Variants in TSNARE1 observed in about 807,000 individuals in gnomAD.
The protein encoded by TSNARE1 is t-SNARE domain containing 1.
TSNARE1 carries 49 observed loss-of-function variants against 62.0 expected under a neutral mutation model. The observed-to-expected ratio is 0.79, with a 90% CI of 0.63 to 1.00. The LOEUF is 1.00. TSNARE1 is among the 50% of genes least tolerant of loss of function. The pLI is 0.00. For missense variants in TSNARE1, 755 were observed against 700.1 expected (o/e 1.08, Z -0.88); for synonymous variants, 328 against 294.4 (o/e 1.11, Z -1.17).
At chr8:142,226,617 G>A (rs987818974) in intron 13 of TSNARE1, among the ~76,000 whole-genome samples, 2 of 152,172 alleles carry the variant, frequency 1.3e-5, no homozygotes, top group Non-Finnish European at 1.5e-5. Flanking sequence ...CCACTCCTCT[G>A]GCTAAAGAGC....
chr8:142,246,736 C>A (rs117208156), intron 12 of TSNARE1, among the ~76,000 whole-genome samples: 2,336 of 152,322 alleles, frequency 0.015, 33 homozygotes, highest in Non-Finnish European at 0.026. Flanking sequence ...CACGGGAGAA[C>A]CGTTCAAGGC....
chr8:142,240,467 G>A (rs1490007475), intron 12 of TSNARE1, among the ~76,000 whole-genome samples: 1 of 152,090 alleles, frequency 6.6e-6, no homozygotes, highest in Non-Finnish European at 1.5e-5. Context: ...TAAAAATACC[G>A]AGATCTGAAC....
upstream of TSNARE1, chr8:142,403,338 G>C (rs1325051860): frequency 3.3e-5 from 5 of 151,998 alleles, no homozygotes; most frequent in African/African-American, 1.2e-4. Context: ...GCCTCTGCGG[G>C]TGCGCGCGCG....
intron 11 of TSNARE1, chr8:142,276,196 G>A: frequency 1.0e-6 from 1 of 985,472 alleles, no homozygotes; most frequent in Non-Finnish European, 1.2e-6. Flanking sequence ...AAAGCCCAGA[G>A]AGCGGGTATG....
intron 12 of TSNARE1, among the ~76,000 whole-genome samples, chr8:142,241,245 A>G (rs1299425456): frequency 6.6e-6 from 1 of 152,234 alleles, no homozygotes; most frequent in Non-Finnish European, 1.5e-5. Context: ...CCACAAAAGA[A>G]GTCAAGAAAA....
At chr8:142,282,805 G>A in intron 11 of TSNARE1, among the ~76,000 whole-genome samples, 1 of 143,490 alleles carries the variant, frequency 7.0e-6, no homozygotes, top group South Asian at 2.4e-4. Flanking sequence ...CTGCCAATGA[G>A]CAGAGGCGGG....
At chr8:142,391,690 A>G (rs949530067) in intron 1 of TSNARE1, among the ~76,000 whole-genome samples, 1 of 152,224 alleles carries the variant, frequency 6.6e-6, no homozygotes, top group Non-Finnish European at 1.5e-5. Context: ...GCAGCCTTGC[A>G]TGGAGCCAGC....
chr8:142,338,991 C>A (rs1257459384), intron 4 of TSNARE1, among the ~76,000 whole-genome samples: 1 of 152,182 alleles, frequency 6.6e-6, no homozygotes, highest in Non-Finnish European at 1.5e-5. Flanking sequence ...CTACCGTGAC[C>A]TGGGCAGGGC....
At chr8:142,256,267 A>C (rs1172778295) in intron 12 of TSNARE1, among the ~76,000 whole-genome samples, 1 of 130,904 alleles carries the variant, frequency 7.6e-6, no homozygotes, top group Non-Finnish European at 1.6e-5. Flanking sequence ...CACCATCACC[A>C]TCACCACCAC....
chr8:142,270,481 CATAT>C (rs67801065), intron 12 of TSNARE1: 18,531 of 771,834 alleles, frequency 0.024, 17 homozygotes, highest in South Asian at 0.031. Flanking sequence ...AATATATAGG[CATAT>C]ATATATATAT....
intron 12 of TSNARE1, among the ~76,000 whole-genome samples, chr8:142,251,703 C>T (rs1174783774): frequency 1.3e-5 from 2 of 151,772 alleles, no homozygotes; most frequent in African/African-American, 2.4e-5. Context: ...CGTTCTCTAT[C>T]TGCAGGGCCC....
intron 12 of TSNARE1, among the ~76,000 whole-genome samples, chr8:142,244,880 C>T (rs914264474): frequency 3.3e-5 from 5 of 152,264 alleles, no homozygotes; most frequent in Non-Finnish European, 2.9e-5. Context: ...CAGCGGAAGG[C>T]ATCGGCCAGA....
chr8:142,322,938 G>A (rs535633809), intron 6 of TSNARE1, among the ~76,000 whole-genome samples: 32 of 151,702 alleles, frequency 2.1e-4, no homozygotes, highest in Admixed American at 1.3e-3. Flanking sequence ...ATGAAAGGCC[G>A]GCCTTACCGT....
chr8:142,316,507 T>C (rs1452573608), intron 7 of TSNARE1, among the ~76,000 whole-genome samples: 1 of 151,792 alleles, frequency 6.6e-6, no homozygotes, highest in Non-Finnish European at 1.5e-5. Flanking sequence ...ACAAGTTTTA[T>C]TACTGTCTAA....
intron 4 of TSNARE1, among the ~76,000 whole-genome samples, chr8:142,336,705 C>A (rs944190745): frequency 1.3e-5 from 2 of 152,204 alleles, no homozygotes; most frequent in Non-Finnish European, 2.9e-5. Flanking sequence ...ACCCACGCAA[C>A]AGGAGAATAC....
intron 10 of TSNARE1, among the ~76,000 whole-genome samples, chr8:142,292,836 C>T (rs1446287894): frequency 6.6e-6 from 1 of 152,126 alleles, no homozygotes; most frequent in Non-Finnish European, 1.5e-5. Context: ...CCCAGACCAA[C>T]GCGGGCAGAA....
chr8:142,328,164 T>TAA lies in TSNARE1; in HGVS notation c.893+2735_893+2736dup, dbSNP rs35142304. On this transcript the variant is annotated intron_variant, in intron 6 of 13. Coordinates refer to ENST00000524325, the MANE Select transcript of TSNARE1 (RefSeq NM_145003.5). ...ATAGGTGTTAGAAATAATAGTTTTT[T>TAA]AAAAAAAAAAACTAACTTCCTTCAA... is the stretch of plus-strand genomic sequence containing the variant. 1.5e-4 allele frequency among the ~76,000 whole-genome samples: 22 copies of TAA among 149,430 alleles called. No individual in the cohort carries two copies. In the South Asian group the frequency reaches 1.7e-3, roughly 12 times the overall value.
At chr8:142,229,666 G>A in intron 12 of TSNARE1, 87 bp from the exon 13 acceptor site, 1 of 1,251,360 alleles carries the variant, frequency 8.0e-7, no homozygotes, top group East Asian at 2.4e-5. Context: ...ACTTTGGGCT[G>A]TGGCATGCAG....
chr8:142,283,562 C>T (rs1299509194), intron 11 of TSNARE1, among the ~76,000 whole-genome samples: 4 of 118,064 alleles, frequency 3.4e-5, no homozygotes, highest in South Asian at 6.0e-4. Context: ...TGAGCAGAGG[C>T]GGAGTTAGTG....
Sources: allele counts gnomAD v4.1 joint callset (sites outside exome capture counted in the v4.1 genomes callset), GRCh38; gene constraint gnomAD v4.1.1; transcripts MANE v1.5; gene names NCBI Gene and HGNC (gene_info 2026-07-23, HGNC 2026-07-21).